MAGI3: variants seen among roughly 807,000 people sequenced by gnomAD.
The protein encoded by MAGI3 is membrane-associated guanylate kinase, WW and PDZ domain-containing protein 3.
In MAGI3, 43 loss-of-function variants were observed where a neutral mutation model predicts 121.8. The ratio of observed to expected loss-of-function variants is 0.35; its 90% CI spans 0.28 to 0.46. MAGI3 has a LOEUF of 0.46. MAGI3 is among the 20% of genes least tolerant of loss of function. The probability of loss-of-function intolerance (pLI) is 1.00; values close to 1 mark genes in which losing one functional copy is unlikely to be tolerated. For synonymous variants in MAGI3, 553 were observed against 639.3 expected, an observed-to-expected ratio of 0.86 and a Z score of 2.04; for missense variants, 1,547 against 1,797.3, an observed-to-expected ratio of 0.86 and a Z score of 2.52.
chr1:113,660,600 A>G (rs1249209332), intron 16 of MAGI3, among the ~76,000 whole-genome samples: 1 of 142,622 alleles, frequency 7.0e-6, no homozygotes, highest in Non-Finnish European at 1.5e-5. Flanking sequence ...GTTGACTATG[A>G]TACTAGATGC....
intron 1 of MAGI3, among the ~76,000 whole-genome samples, chr1:113,475,176 T>C (rs1655750402): frequency 6.6e-6 from 1 of 152,236 alleles, no homozygotes; most frequent in Admixed American, 6.5e-5. Context: ...AATCATGTCA[T>C]CTGCAAAGAG....
intron 1 of MAGI3, among the ~76,000 whole-genome samples, chr1:113,506,298 AG>A (rs1418088687): frequency 6.6e-6 from 1 of 152,206 alleles, no homozygotes; most frequent in African/African-American, 2.4e-5. Context: ...TTAATTATGC[AG>A]AACGTTTTAG....
At chr1:113,545,388 A>G (rs898065073) in intron 1 of MAGI3, among the ~76,000 whole-genome samples, 1 of 152,138 alleles carries the variant, frequency 6.6e-6, no homozygotes, top group Non-Finnish European at 1.5e-5. Context: ...TAGTAAAGAC[A>G]TGTTGTATCT....
At chr1:113,547,467 A>T (rs1301972830) in intron 1 of MAGI3, among the ~76,000 whole-genome samples, 1 of 152,186 alleles carries the variant, frequency 6.6e-6, no homozygotes, top group African/African-American at 2.4e-5. Context: ...TGGGGGAAAA[A>T]ACAATGATGC....
At chr1:113,451,653 G>A (rs1173822232) in intron 1 of MAGI3, among the ~76,000 whole-genome samples, 1 of 152,000 alleles carries the variant, frequency 6.6e-6, no homozygotes, top group East Asian at 1.9e-4. Flanking sequence ...GGTGGAAATG[G>A]GTAGTATGAT....
rs192449877 is a variant in MAGI3, at chr1:113,640,273, C to T, written c.1361-1638C>T. Among the ~76,000 whole-genome samples, 80 of 143,098 alleles carry T rather than the reference C, an allele frequency of 5.6e-4. 1 individual carries two copies. Among genetic ancestry groups the T allele is most frequent in the Non-Finnish European group, 5.3e-4 (33 of 62,198 alleles). The allele number at this position is 143,098 out of a possible 152,430, so 93.9% of individuals were successfully genotyped here. A position where few individuals can be genotyped will look rare whatever the true frequency, so the allele number is the denominator to read the frequency against. ...GTGGAGAAACAGGAACGCTTTTACACTATTGGTGGGAGTATAAATTAGTTC... is the reference window on the plus strand; with the variant it reads ...GTGGAGAAACAGGAACGCTTTTACATTATTGGTGGGAGTATAAATTAGTTC... On this transcript the variant is annotated intron_variant, in intron 9 of 20. Transcript: ENST00000307546.
chr1:113,589,626 G>A (rs1486215400), intron 4 of MAGI3, among the ~76,000 whole-genome samples: 2 of 151,974 alleles, frequency 1.3e-5, no homozygotes, highest in Non-Finnish European at 2.9e-5. Context: ...GATAAAGAAT[G>A]GTTGGAGTTG....
At chr1:113,630,201 G>A (rs1028377083) in intron 9 of MAGI3, among the ~76,000 whole-genome samples, 1 of 152,128 alleles carries the variant, frequency 6.6e-6, no homozygotes, top group South Asian at 2.1e-4. Flanking sequence ...ACCTTCCACA[G>A]ACAGAGAAAC....
chr1:113,660,766 A>ATTTTTTTTTT, intron 16 of MAGI3, among the ~76,000 whole-genome samples: 1 of 122,982 alleles, frequency 8.1e-6, no homozygotes, highest in Non-Finnish European at 1.7e-5. Context: ...ATAATTTTTA[A>ATTTTTTTTTT]TTTTTTTTTT....
intron 1 of MAGI3, among the ~76,000 whole-genome samples, chr1:113,395,665 G>A (rs1480010459): frequency 6.6e-6 from 1 of 151,496 alleles, no homozygotes; most frequent in Admixed American, 6.6e-5. Context: ...ATGCATATAT[G>A]TATATGTATA....
chr1:113,580,401 T>C (rs1647938399), intron 2 of MAGI3, 141 bp from the exon 3 acceptor site: 3 of 623,014 alleles, frequency 4.8e-6, no homozygotes, highest in Non-Finnish European at 2.5e-6. Context: ...ATTTTATCTG[T>C]GAATTTTACC....
chr1:113,573,813 T>C lies in MAGI3; in HGVS notation c.434-6729T>C, dbSNP rs1419224314. 2.0e-5 allele frequency among the ~76,000 whole-genome samples: 3 copies of C among 152,218 alleles called. No homozygotes were observed. In the East Asian group the frequency reaches 5.8e-4, roughly 29 times the overall value. Reference sequence around the variant, plus strand: ...GGGGTGTTATAGTCTCCCACTATTATTGTGTGGGAATCTAAGTCTCTTTGT... The same window carrying C: ...GGGGTGTTATAGTCTCCCACTATTACTGTGTGGGAATCTAAGTCTCTTTGT... On this transcript the variant is annotated intron_variant, in intron 2 of 20. Coordinates refer to ENST00000307546, the MANE Select transcript of MAGI3 (RefSeq NM_001142782.2).
At chr1:113,536,154 T>TTC (rs1658975098) in intron 1 of MAGI3, among the ~76,000 whole-genome samples, 1 of 97,362 alleles carries the variant, frequency 1.0e-5, no homozygotes, top group South Asian at 3.3e-4. Context: ...GTTTTTTTTT[T>TTC]TTTTTAAAAA....
intron 2 of MAGI3, among the ~76,000 whole-genome samples, chr1:113,553,354 G>A (rs1351686754): frequency 6.6e-6 from 1 of 152,146 alleles, no homozygotes; most frequent in Non-Finnish European, 1.5e-5. Flanking sequence ...GGGCTATGAA[G>A]AAAAAGAGCT....
chr1:113,472,661 G>GGT lies in MAGI3; in HGVS notation c.317-76837_317-76836dup, dbSNP rs142790579. ...TTTATGTTATTGTGTATCTACTACAGGTGTGTGTGTGTGTGTGTATGTGTG... is the reference window on the plus strand; with the variant it reads ...TTTATGTTATTGTGTATCTACTACAGGTGTGTGTGTGTGTGTGTGTATGTGTG... On this transcript the variant is annotated intron_variant, in intron 1 of 20. Transcript: ENST00000307546. Among the ~76,000 whole-genome samples, 639 of 147,930 alleles carry GGT rather than the reference G, an allele frequency of 4.3e-3. 4 individuals carry two copies. Among genetic ancestry groups the GGT allele is most frequent in the South Asian group, 0.028 (129 of 4,596 alleles).
chr1:113,577,484 G>GA (rs1011982871), intron 2 of MAGI3, among the ~76,000 whole-genome samples: 2 of 151,078 alleles, frequency 1.3e-5, no homozygotes, highest in African/African-American at 4.9e-5. Context: ...GGGGTGAGGG[G>GA]GGATGTAGAA....
intron 9 of MAGI3, among the ~76,000 whole-genome samples, chr1:113,628,842 C>A (rs773178391): frequency 6.6e-6 from 1 of 152,026 alleles, no homozygotes; most frequent in Non-Finnish European, 1.5e-5. Flanking sequence ...TCTTAGGATC[C>A]TTTCTTTATC....
At chr1:113,615,738 C>G (rs1424549209) in intron 7 of MAGI3, among the ~76,000 whole-genome samples, 2 of 152,108 alleles carry the variant, frequency 1.3e-5, no homozygotes, top group Non-Finnish European at 2.9e-5. Context: ...ATTTCAATAT[C>G]TTGGTTCCTT....
chr1:113,571,205 A>G (rs1017649477), intron 2 of MAGI3, among the ~76,000 whole-genome samples: 2 of 152,020 alleles, frequency 1.3e-5, no homozygotes, highest in Admixed American at 6.6e-5. Flanking sequence ...ATGGTTATAG[A>G]TATGTGGTGT....
Sources: allele counts gnomAD v4.1 joint callset (sites outside exome capture counted in the v4.1 genomes callset), GRCh38; gene constraint gnomAD v4.1.1; transcripts MANE v1.5; gene names NCBI Gene and HGNC (gene_info 2026-07-23, HGNC 2026-07-21).